TBC1D30: variants seen among roughly 807,000 people sequenced by gnomAD.
TBC1D30 encodes TBC1 domain family, member 30.
Under a neutral mutation model 63.2 loss-of-function variants are expected in TBC1D30, and 31 were observed. The ratio of observed to expected loss-of-function variants is 0.49; its 90% CI spans 0.37 to 0.66. The LOEUF is 0.66. TBC1D30 is among the 30% of genes least tolerant of loss of function. The pLI, the probability that TBC1D30 is intolerant of heterozygous loss-of-function variation, is 0.00. For synonymous variants in TBC1D30, 307 were observed against 361.5 expected (o/e 0.85, Z 1.71); for missense variants, 810 against 953.6 (o/e 0.85, Z 1.98).
intron 2 of TBC1D30, among the ~76,000 whole-genome samples, chr12:64,810,905 C>T (rs1013259823): frequency 6.6e-6 from 1 of 152,236 alleles, no homozygotes; most frequent in Non-Finnish European, 1.5e-5. Flanking sequence ...AAACTCACAT[C>T]ACTGGCCTAA....
intron 1 of TBC1D30, among the ~76,000 whole-genome samples, chr12:64,784,503 T>A (rs1871449610): frequency 6.6e-6 from 1 of 151,458 alleles, no homozygotes; most frequent in Non-Finnish European, 1.5e-5. Flanking sequence ...AATGAGTAGA[T>A]CCAAACCCCA....
Position 64,780,932 on chromosome 12 carries a change from GC to G in TBC1D30, c.128del (p.Pro43ArgfsTer40). 1 of 1,046,730 alleles carries G rather than the reference GC, an allele frequency of 9.6e-7. No homozygotes were observed. The highest frequency in any genetic ancestry group is 1.2e-6 in the Non-Finnish European group (1 of 862,074). 64.8% of individuals were successfully genotyped at this position (1,046,730 alleles called of 1,614,324 possible). On this transcript the variant is annotated frameshift_variant, in exon 1 of 13. Coordinates refer to the TBC1D30 transcript ENST00000542120. LOFTEE classifies it high-confidence loss of function. ...AGAAACGATTCCTGCAGCTCCCCCA[GC>G]CCCGCGCCTCCGGGGAGCGGCGGAG...
intron 5 of TBC1D30, among the ~76,000 whole-genome samples, chr12:64,835,341 G>A (rs1194211248): frequency 1.3e-5 from 2 of 152,144 alleles, no homozygotes; most frequent in African/African-American, 4.8e-5. Context: ...AGCTGGGGAG[G>A]AGGGGAAAAT....
chr12:64,760,795 T>C (rs900082729), intron 1 of TBC1D30, among the ~76,000 whole-genome samples: 2 of 151,320 alleles, frequency 1.3e-5, no homozygotes, highest in Non-Finnish European at 2.9e-5. Flanking sequence ...TGGAAACACG[T>C]TGAAACCTGA....
chr12:64,780,383 G>T (rs1382924180), upstream of TBC1D30, among the ~76,000 whole-genome samples: 1 of 152,250 alleles, frequency 6.6e-6, no homozygotes, highest in Non-Finnish European at 1.5e-5. Flanking sequence ...CTAGCTGGCG[G>T]CTGAATAAGA....
intron 2 of TBC1D30, among the ~76,000 whole-genome samples, chr12:64,807,643 G>A (rs759774348): frequency 3.7e-4 from 56 of 152,108 alleles, no homozygotes; most frequent in Non-Finnish European, 6.3e-4. Context: ...TATGCCATTC[G>A]TGGCATTCTT....
At chr12:64,845,721 C>T (rs991712677) in intron 8 of TBC1D30, among the ~76,000 whole-genome samples, 46 of 73,906 alleles carry the variant, frequency 6.2e-4, no homozygotes, top group African/African-American at 1.4e-3. Context: ...AGTGAGACTC[C>T]GTCTCAAAAA....
chr12:64,806,374 A>G (rs1872870969), intron 2 of TBC1D30, among the ~76,000 whole-genome samples: 1 of 152,204 alleles, frequency 6.6e-6, no homozygotes, highest in Non-Finnish European at 1.5e-5. Flanking sequence ...TTCATACAAT[A>G]ATGAAATTTG....
intron 8 of TBC1D30, among the ~76,000 whole-genome samples, chr12:64,855,914 C>T (rs557697243): frequency 4.3e-4 from 65 of 152,264 alleles, no homozygotes; most frequent in Non-Finnish European, 5.6e-4. Context: ...ACAATCTGAG[C>T]TTGTTTGTGC....
intron 2 of TBC1D30, among the ~76,000 whole-genome samples, chr12:64,791,921 A>C (rs547907669): frequency 6.6e-6 from 1 of 152,210 alleles, no homozygotes; most frequent in South Asian, 2.1e-4. Flanking sequence ...CAGCTTTTAA[A>C]ATAACTACAG....
chr12:64,832,357 T>C (rs1874946552), intron 5 of TBC1D30, 53 bp downstream of exon 5: 1 of 1,485,352 alleles, frequency 6.7e-7, no homozygotes, highest in South Asian at 1.2e-5. Flanking sequence ...GAGTGAGAAA[T>C]TGGAACCATA....
chr12:64,781,425 C>A, intron 1 of TBC1D30: 16 of 895,542 alleles, frequency 1.8e-5, no homozygotes, highest in Non-Finnish European at 2.1e-5. Context: ...ACGGTGGTAC[C>A]CACCGTGGCA....
chr12:64,822,613 C>G (rs1389487556), upstream of TBC1D30, among the ~76,000 whole-genome samples: 1 of 152,046 alleles, frequency 6.6e-6, no homozygotes, highest in Non-Finnish European at 1.5e-5. Flanking sequence ...ATCCTCCCAC[C>G]TCAGCCTCCT....
intron 2 of TBC1D30, among the ~76,000 whole-genome samples, chr12:64,810,812 T>C (rs1873172049): frequency 6.6e-6 from 1 of 152,232 alleles, no homozygotes; most frequent in African/African-American, 2.4e-5. Flanking sequence ...CCTGATAATC[T>C]TTTCCTCTAG....
upstream of TBC1D30, among the ~76,000 whole-genome samples, chr12:64,820,594 G>A (rs1217756752): frequency 1.3e-5 from 2 of 152,180 alleles, no homozygotes; most frequent in Non-Finnish European, 2.9e-5. Context: ...TTGCCCAAAT[G>A]TGAATTCACT....
In TBC1D30 at chr12:64,828,534, A is replaced by C. The variant is rs1171686387; in HGVS notation, c.282+25A>C. 3 of 1,470,110 alleles carry C rather than the reference A, an allele frequency of 2.0e-6. No individual in the cohort carries two copies. The African/African-American group carries it at 4.2e-5, about 21-fold the overall frequency. The allele number at this position is 1,470,110 out of a possible 1,614,324, so 91.1% of individuals were successfully genotyped here. The stretch of plus-strand genomic sequence containing the variant: ...GGTAAGGAGGACTCATAGGGCTAGA[A>C]TACAGAAGGATCATCACTGCCCTTC... On this transcript the variant is annotated intron_variant, in intron 3 of 11. Transcript: ENST00000539867.
chr12:64,823,859 C>T (rs141458239), upstream of TBC1D30, among the ~76,000 whole-genome samples: 1 of 152,256 alleles, frequency 6.6e-6, no homozygotes, highest in East Asian at 1.9e-4. Context: ...ACAGGAGGCA[C>T]ATCAAGAGAG....
Position 64,854,453 on chromosome 12 carries a change from C to T in TBC1D30, c.1039-10215C>T, listed in dbSNP as rs1015400533. ...ACTGTCTATGTCTTAAAAAGTTGTT[C>T]TAGTTATTATTTATTGGTTCAGCAT... On this transcript the variant is annotated intron_variant, in intron 8 of 11. Transcript: ENST00000539867. Among the ~76,000 whole-genome samples, 5 of 150,618 alleles carry T rather than the reference C, an allele frequency of 3.3e-5. No homozygotes were observed. In the South Asian group the frequency reaches 1.1e-3, roughly 32 times the overall value.
chr12:64,824,260 G>A (rs543139554), upstream of TBC1D30, among the ~76,000 whole-genome samples: 144 of 152,164 alleles, frequency 9.5e-4, 2 homozygotes, highest in African/African-American at 3.2e-3. Context: ...AATCTGCCAG[G>A]AAATAATTCA....
Sources: allele counts gnomAD v4.1 joint callset (sites outside exome capture counted in the v4.1 genomes callset), GRCh38; gene constraint gnomAD v4.1.1; transcripts MANE v1.5; gene names NCBI Gene and HGNC (gene_info 2026-07-23, HGNC 2026-07-21).